SEC16B: variants seen among roughly 807,000 people sequenced by gnomAD.
SEC16B encodes protein transport protein Sec16B.
Under a neutral mutation model 141.8 loss-of-function variants are expected in SEC16B, and 115 were observed. The ratio of observed to expected loss-of-function variants is 0.81; its 90% CI spans 0.70 to 0.95. SEC16B has a LOEUF of 0.95. Among genes scored for constraint, SEC16B ranks in the 40% least tolerant of loss-of-function variants. The pLI, the probability that SEC16B is intolerant of heterozygous loss-of-function variation, is 0.00. For synonymous variants in SEC16B, 493 were observed against 492.5 expected, an observed-to-expected ratio of 1.00 and a Z score of -0.01; for missense variants, 1,291 against 1,312.3, an observed-to-expected ratio of 0.98 and a Z score of 0.25.
chr1:177,932,559 T>C lies in SEC16B; in HGVS notation c.2943A>G (p.Glu981=). 1 of 1,559,320 alleles carries C rather than the reference T, an allele frequency of 6.4e-7. No individual in the cohort carries two copies. Among genetic ancestry groups the C allele is most frequent in the African/African-American group, 1.4e-5 (1 of 73,066 alleles). Residue 981 remains glutamate, a synonymous_variant, in exon 24 of 26, where the codon GAA becomes GAG. Transcript: ENST00000308284. ...CCCCGCTGGATGCGGATCCTCGGCC[T>C]TCACCCCCACCTGGAAAGTAATGAG... ...SAFSRGRGGG[E]GRGSASSGGA... is the part of the protein sequence containing the mutation.
In SEC16B at chr1:177,940,640, A is replaced by G. The variant is rs1485916637; in HGVS notation, c.2097T>C (p.Asp699=). Reference sequence around the variant, plus strand: ...GCTGCCTCCGAAGTTGCGCTAGCCAATCTGGCTCCAGGTCCCTGTCTCCAC... The same window carrying G: ...GCTGCCTCCGAAGTTGCGCTAGCCAGTCTGGCTCCAGGTCCCTGTCTCCAC... The part of the protein sequence containing the change: ...RRSGDRDLEP[D]WLAQLRRQLE... The change falls in exon 17 of 26, where the codon GAT becomes GAC. Residue 699 remains aspartate (D), a synonymous_variant. Transcript: ENST00000308284. 8.1e-6 allele frequency: 13 copies of G among 1,613,706 alleles called. No homozygotes were observed. In the Admixed American group the frequency reaches 2.2e-4, roughly 27 times the overall value.
intron 15 of SEC16B, 42 bp from the exon 16 acceptor site, chr1:177,942,082 G>A: frequency 6.4e-7 from 1 of 1,560,808 alleles, no homozygotes; most frequent in Non-Finnish European, 8.7e-7. Context: ...ATCCAGGCAG[G>A]GAGAGAAGGA....
intron 11 of SEC16B, 33 bp downstream of exon 11, chr1:177,954,246 C>T (rs1376639792): frequency 4.0e-6 from 6 of 1,514,758 alleles, no homozygotes; most frequent in East Asian, 4.9e-5. Context: ...GCCTCTCTGC[C>T]CCACTGGCCT....
At chr1:177,969,443 A>T (rs1479697144) in intron 1 of SEC16B, among the ~76,000 whole-genome samples, 1 of 152,200 alleles carries the variant, frequency 6.6e-6, no homozygotes, top group Non-Finnish European at 1.5e-5. Context: ...TTTGCCAGCA[A>T]ATCCCAGGAA....
chr1:177,935,163 T>C (rs1206155222), intron 20 of SEC16B, among the ~76,000 whole-genome samples: 1 of 152,128 alleles, frequency 6.6e-6, no homozygotes, highest in Non-Finnish European at 1.5e-5. Context: ...GACACCTTCC[T>C]TGGCCACCCC....
At chr1:177,938,932 T>C (rs1448264950) in intron 18 of SEC16B, among the ~76,000 whole-genome samples, 2 of 152,168 alleles carry the variant, frequency 1.3e-5, no homozygotes, top group African/African-American at 2.4e-5. Flanking sequence ...CTGGCATGGG[T>C]GGCCAACCCG....
intron 11 of SEC16B, among the ~76,000 whole-genome samples, chr1:177,952,355 C>G (rs1317208669): frequency 1.3e-5 from 2 of 152,184 alleles, no homozygotes; most frequent in Non-Finnish European, 2.9e-5. Flanking sequence ...AAGCTCTTCT[C>G]CATCGGCACC....
chr1:177,969,329 C>T (rs905900236), intron 1 of SEC16B, among the ~76,000 whole-genome samples: 3 of 152,112 alleles, frequency 2.0e-5, no homozygotes, highest in East Asian at 1.9e-4. Flanking sequence ...GAACAAGGTG[C>T]GGAGGGGGCC....
chr1:177,935,425 TTAAG>T (rs1650762812), intron 20 of SEC16B, among the ~76,000 whole-genome samples: 1 of 152,214 alleles, frequency 6.6e-6, no homozygotes, highest in South Asian at 2.1e-4. Flanking sequence ...TCATAGAGTG[TTAAG>T]TAACAGATAT....
intron 3 of SEC16B, among the ~76,000 whole-genome samples, chr1:177,965,552 A>G (rs1420090516): frequency 6.6e-6 from 1 of 152,202 alleles, no homozygotes; most frequent in Non-Finnish European, 1.5e-5. Flanking sequence ...ATACACTCTT[A>G]CTATAGCCCA....
chr1:177,974,596 T>C (rs1316537018), upstream of SEC16B, among the ~76,000 whole-genome samples: 4 of 136,660 alleles, frequency 2.9e-5, no homozygotes, highest in Admixed American at 7.3e-5. Flanking sequence ...ATTAAGAGGT[T>C]TGATGATCTT....
intron 11 of SEC16B, among the ~76,000 whole-genome samples, chr1:177,954,035 A>T (rs1042112794): frequency 6.6e-6 from 1 of 152,178 alleles, no homozygotes; most frequent in South Asian, 2.1e-4. Flanking sequence ...AACCTACTTA[A>T]TTTTTGGAAA....
At chr1:177,967,557 G>A (rs1281925833) in intron 2 of SEC16B, 126 bp downstream of exon 2, 13 of 955,592 alleles carry the variant, frequency 1.4e-5, no homozygotes, top group African/African-American at 9.8e-5. Context: ...CTAAAGCCAC[G>A]TAGTAAGGTA....
At position 177,964,156 on chromosome 1, in the gene SEC16B, G is replaced by A. The variant is rs754868325; in HGVS notation, c.642+15C>T. 3.8e-6 allele frequency: 6 copies of A among 1,589,480 alleles called. No individual in the cohort carries two copies. The highest frequency in any genetic ancestry group is 2.3e-5 in the East Asian group (1 of 44,380). On this transcript the variant is annotated intron_variant, in intron 5 of 25. Coordinates refer to ENST00000308284, the MANE Select transcript of SEC16B (RefSeq NM_033127.4). Reference sequence around the variant, plus strand: ...CATGGCCACAGTCTCCAGCCCCCACGTCACTTTAGGTTACCTTATTTTTCT... The same window carrying A: ...CATGGCCACAGTCTCCAGCCCCCACATCACTTTAGGTTACCTTATTTTTCT...
intron 11 of SEC16B, 89 bp from the exon 12 acceptor site, chr1:177,952,084 T>C: frequency 8.6e-7 from 1 of 1,166,336 alleles, no homozygotes; most frequent in Non-Finnish European, 1.2e-6. Context: ...CATAATTCTA[T>C]TAGATTTTGG....
Position 177,929,819 on chromosome 1 carries a change from T to G in SEC16B, c.*39A>C, listed in dbSNP as rs1301585509. On this transcript the variant is annotated 3_prime_UTR_variant, in exon 26 of 26. Transcript: ENST00000308284. ...ATTGAGAAAAAGAGAGCAAGAAAGT[T>G]TCAGTCCTGGGAGATGAGCCTGGGA... The G allele has an allele frequency of 6.2e-7, 1 of 1,606,912 alleles. No individual in the cohort carries two copies. Among genetic ancestry groups the G allele is most frequent in the Admixed American group, 1.7e-5 (1 of 59,742 alleles).
intron 20 of SEC16B, 107 bp downstream of exon 20, chr1:177,936,191 C>T: frequency 1.2e-6 from 1 of 842,006 alleles, no homozygotes; most frequent in Non-Finnish European, 2.0e-6. Context: ...GAGAAAGCTG[C>T]TGCAACACTG....
At chr1:177,978,893 T>C (rs1359000652) in intron 1 of SEC16B, among the ~76,000 whole-genome samples, 2 of 152,196 alleles carry the variant, frequency 1.3e-5, no homozygotes, top group Non-Finnish European at 2.9e-5. Flanking sequence ...ATTTTTATTC[T>C]GCTCTGTCGC....
At position 177,928,855 on chromosome 1, in the gene SEC16B, C is replaced by T. The variant is rs1273684633; in HGVS notation, c.*1003G>A. On this transcript the variant is annotated 3_prime_UTR_variant, in exon 26 of 26. Transcript: ENST00000308284. ...AACTATAGAACATTAACGTACTAAA[C>T]CTGTATTTACAATTACATGTACAAA... The T allele has an allele frequency of 6.6e-6, 1 of 152,114 alleles. No individual in the cohort carries two copies. The highest frequency in any genetic ancestry group is 1.5e-5 in the Non-Finnish European group (1 of 68,022). The allele number at this position is 152,114 out of a possible 1,614,324, so 9.4% of individuals were successfully genotyped here.
Sources: gnomAD v4.1 joint callset for allele counts (sites outside exome capture counted in the v4.1 genomes callset) on GRCh38, gnomAD v4.1.1 for gene constraint, MANE v1.5 for transcripts, NCBI Gene and HGNC (gene_info 2026-07-23, HGNC 2026-07-21) for gene names.